Variants in SSR3 observed in about 807,000 individuals in gnomAD.
SSR3 encodes the protein translocon-associated protein subunit gamma.
A neutral mutation model predicts 22.1 loss-of-function variants in SSR3; 10 were observed. The ratio of observed to expected loss-of-function variants is 0.45; its 90% confidence interval spans 0.28 to 0.77. SSR3 has a LOEUF of 0.77. Ranked by LOEUF, SSR3 falls within the 30% of genes least tolerant of loss-of-function variation. The probability of loss-of-function intolerance (pLI) is 0.13; values close to 1 mark genes in which losing one functional copy is unlikely to be tolerated. For synonymous variants in SSR3, 104 were observed against 82.5 expected (o/e 1.26, Z -1.42); for missense variants, 181 against 220.5 (o/e 0.82, Z 1.13).
intron 2 of SSR3, among the ~76,000 whole-genome samples, chr3:156,552,656 C>T (rs1416423244): frequency 6.6e-6 from 1 of 152,152 alleles, no homozygotes; most frequent in Non-Finnish European, 1.5e-5. Flanking sequence ...CAAAGCAATA[C>T]AGCACCTAGA....
chr3:156,553,908 T>C (rs1213360923), intron 1 of SSR3, 127 bp from the exon 2 acceptor site: 2 of 886,170 alleles, frequency 2.3e-6, no homozygotes, highest in Non-Finnish European at 3.3e-6. Flanking sequence ...TGCAATCCAA[T>C]AGTATCTGAG....
In SSR3 at chr3:156,541,208, T is replaced by A. The variant is rs1008969938; in HGVS notation, c.*1995A>T. 6.6e-6 allele frequency: 1 copy of A among 152,160 alleles called. No individual in the cohort carries two copies. Among genetic ancestry groups the A allele is most frequent in the African/African-American group, 2.4e-5 (1 of 41,442 alleles). The allele number at this position is 152,160 out of a possible 1,614,324, so 9.4% of individuals were successfully genotyped here. On this transcript the variant is annotated 3_prime_UTR_variant, in exon 5 of 5. Coordinates refer to ENST00000265044, the MANE Select transcript of SSR3 (RefSeq NM_007107.5). ...TGTATTATACCAAGAATGGTGGCAA[T>A]TTTTTCCCCATCTATACAGGCACTG... is the stretch of plus-strand genomic sequence containing the variant.
intron 3 of SSR3, among the ~76,000 whole-genome samples, chr3:156,547,450 T>G (rs1378700115): frequency 6.6e-6 from 1 of 152,206 alleles, no homozygotes; most frequent in Admixed American, 6.5e-5. Flanking sequence ...TAGGTAACTA[T>G]GCATACCCTA....
chr3:156,548,401 A>G (rs1355618959), intron 3 of SSR3, among the ~76,000 whole-genome samples: 3 of 152,216 alleles, frequency 2.0e-5, no homozygotes, highest in African/African-American at 7.2e-5. Flanking sequence ...ATACCACCAC[A>G]TAGACATGCT....
intron 2 of SSR3, among the ~76,000 whole-genome samples, chr3:156,550,702 T>G (rs1407373756): frequency 6.6e-6 from 1 of 152,226 alleles, no homozygotes; most frequent in Non-Finnish European, 1.5e-5. Flanking sequence ...AGACACTACC[T>G]GATTTCTTAA....
chr3:156,545,938 C>T (rs1181212265), intron 3 of SSR3, among the ~76,000 whole-genome samples: 12 of 152,246 alleles, frequency 7.9e-5, no homozygotes, highest in Middle Eastern at 3.4e-3. Context: ...TTTAAGACTC[C>T]GGCATGAGAC....
intron 3 of SSR3, among the ~76,000 whole-genome samples, chr3:156,547,654 C>T (rs1231432772): frequency 2.0e-5 from 3 of 152,118 alleles, no homozygotes; most frequent in Non-Finnish European, 4.4e-5. Context: ...ATAAAGGAGC[C>T]ATAGAAGATA....
At chr3:156,552,003 A>T (rs1448859080) in intron 2 of SSR3, among the ~76,000 whole-genome samples, 3 of 151,894 alleles carry the variant, frequency 2.0e-5, no homozygotes, top group Non-Finnish European at 2.9e-5. Flanking sequence ...TAATACATTT[A>T]AAAAAAACAG....
At chr3:156,551,026 C>T (rs1369113141) in intron 2 of SSR3, among the ~76,000 whole-genome samples, 1 of 152,184 alleles carries the variant, frequency 6.6e-6, no homozygotes. Flanking sequence ...CCTTCTACTG[C>T]CAACAGCTAC....
At chr3:156,548,154 C>A (rs936431239) in intron 3 of SSR3, among the ~76,000 whole-genome samples, 5 of 152,170 alleles carry the variant, frequency 3.3e-5, no homozygotes, top group African/African-American at 1.2e-4. Flanking sequence ...AGCAGATCCA[C>A]AACTATTAAA....
chr3:156,548,791 A>G (rs1719847131), intron 3 of SSR3, 114 bp downstream of exon 3: 1 of 1,371,064 alleles, frequency 7.3e-7, no homozygotes, highest in South Asian at 1.4e-5. Flanking sequence ...TACTACTACA[A>G]TTCCAAAATT....
chr3:156,550,259 T>C (rs920178983), intron 2 of SSR3, among the ~76,000 whole-genome samples: 4 of 152,216 alleles, frequency 2.6e-5, no homozygotes, highest in African/African-American at 9.6e-5. Flanking sequence ...AAAAAATATA[T>C]ACACACACCC....
intron 2 of SSR3, among the ~76,000 whole-genome samples, chr3:156,549,458 T>C (rs1046004320): frequency 1.3e-5 from 2 of 152,202 alleles, no homozygotes; most frequent in African/African-American, 4.8e-5. Flanking sequence ...AAATAACAGC[T>C]GTAATATCTT....
chr3:156,548,446 C>T (rs1288841410), intron 3 of SSR3, among the ~76,000 whole-genome samples: 2 of 152,136 alleles, frequency 1.3e-5, no homozygotes, highest in East Asian at 1.9e-4. Context: ...AGGGGTTAGG[C>T]GATATGTTCA....
chr3:156,551,840 G>T (rs1468533309), intron 2 of SSR3, among the ~76,000 whole-genome samples: 1 of 152,148 alleles, frequency 6.6e-6, no homozygotes, highest in Non-Finnish European at 1.5e-5. Flanking sequence ...AAGGAAGTAA[G>T]TTAATCCTAA....
intron 4 of SSR3, chr3:156,544,087 TG>T: frequency 2.4e-6 from 1 of 414,724 alleles, no homozygotes; most frequent in East Asian, 3.6e-5. Flanking sequence ...TAGACTACTT[TG>T]TAATACTTTA....
rs1559941202 is a variant in SSR3, at chr3:156,540,882, C to G, written c.*2321G>C. 2.0e-5 allele frequency: 3 copies of G among 152,070 alleles called. No homozygotes were observed. The allele number at this position is 152,070 out of a possible 1,614,324, so 9.4% of individuals were successfully genotyped here. The stretch of plus-strand genomic sequence containing the variant: ...CTGTGTGCCACACAGAACTTTTAGA[C>G]AAGAGTAGAGGGGAAAAGGTTCTGC... On this transcript the variant is annotated 3_prime_UTR_variant, in exon 5 of 5. Coordinates refer to ENST00000265044, the MANE Select transcript of SSR3 (RefSeq NM_007107.5).
Position 156,543,155 on chromosome 3 carries a change from C to T in SSR3, c.*48G>A, listed in dbSNP as rs1189136799. On this transcript the variant is annotated 3_prime_UTR_variant, in exon 5 of 5. Coordinates refer to ENST00000265044, the MANE Select transcript of SSR3 (RefSeq NM_007107.5). ...GACCACCCTGCTACTTTTCCATATA[C>T]CACAGGCCACCCATAGACACAAAGC... 4 of 1,572,050 alleles carry T rather than the reference C, an allele frequency of 2.5e-6. No individual in the cohort carries two copies. In the African/African-American group the frequency reaches 4.1e-5, roughly 16 times the overall value.
chr3:156,549,157 T>C, intron 2 of SSR3, 154 bp from the exon 3 acceptor site: 1 of 732,700 alleles, frequency 1.4e-6, no homozygotes, highest in South Asian at 2.5e-5. Context: ...TCCAAGTTTA[T>C]TACACTGCAC....
Sources: gnomAD v4.1 joint callset for allele counts (sites outside exome capture counted in the v4.1 genomes callset) on GRCh38, gnomAD v4.1.1 for gene constraint, MANE v1.5 for transcripts, NCBI Gene and HGNC (gene_info 2026-07-23, HGNC 2026-07-21) for gene names.